GPC3: variants seen among roughly 807,000 people sequenced by gnomAD.
GPC3 encodes glypican 3, also known as glypican-3.
In GPC3, 3 loss-of-function variants were observed where a neutral mutation model predicts 34.4. That is an observed-to-expected ratio of 0.09 (90% CI 0.04 to 0.23). The LOEUF is 0.23. Ranked by LOEUF, GPC3 falls within the 10% of genes least tolerant of loss-of-function variation. The probability of loss-of-function intolerance (pLI) is 1.00; values close to 1 mark genes in which losing one functional copy is unlikely to be tolerated. For missense variants in GPC3, 351 were observed against 445.6 expected (o/e 0.79, Z 1.91); for synonymous variants, 177 against 174.0 (o/e 1.02, Z -0.13).
intron 6 of GPC3, among the ~76,000 whole-genome samples, chrX:133,620,983 C>T (rs776999954): frequency 2.7e-5 from 3 of 111,384 alleles, no homozygotes; most frequent in Non-Finnish European, 5.6e-5. Flanking sequence ...ACCTTGGGTA[C>T]ACATTCTCAG....
At chrX:133,828,079 C>A in intron 2 of GPC3, among the ~76,000 whole-genome samples, 1 of 108,484 alleles carries the variant, frequency 9.2e-6, no homozygotes, top group African/African-American at 3.4e-5. Context: ...TAAAAAATAA[C>A]ACAAAAATAT....
chrX:133,579,053 T>C (rs1278625354), intron 7 of GPC3, among the ~76,000 whole-genome samples: 1 of 111,372 alleles, frequency 9.0e-6, no homozygotes, highest in East Asian at 2.8e-4. Context: ...AAAGTGCATG[T>C]CATTTTCAGA....
At chrX:133,858,953 C>T (rs5977925) in intron 2 of GPC3, among the ~76,000 whole-genome samples, 30,391 of 107,339 alleles carry the variant, frequency 0.28, 3,780 homozygotes, top group African/African-American at 0.44. Context: ...TGGTGGCAGC[C>T]GCCTGTAGTC....
At chrX:133,735,320 T>C (rs995118640) in intron 3 of GPC3, among the ~76,000 whole-genome samples, 3 of 111,688 alleles carry the variant, frequency 2.7e-5, no homozygotes, top group Non-Finnish European at 5.6e-5. Context: ...TTATGGTCAA[T>C]TGAATTTTGA....
At chrX:133,791,445 T>A (rs1376874703) in intron 2 of GPC3, among the ~76,000 whole-genome samples, 1 of 111,764 alleles carries the variant, frequency 8.9e-6, no homozygotes, top group Non-Finnish European at 1.9e-5. Flanking sequence ...GAACTCACCA[T>A]CATTCATGTT....
At chrX:133,625,714 A>G (rs1449816120) in intron 6 of GPC3, among the ~76,000 whole-genome samples, 4 of 112,003 alleles carry the variant, frequency 3.6e-5, no homozygotes, top group African/African-American at 1.3e-4. Context: ...AAGAAGAATC[A>G]ATATTGTGAA....
intron 4 of GPC3, among the ~76,000 whole-genome samples, chrX:133,693,526 A>C (rs2071086296): frequency 1.8e-5 from 2 of 111,559 alleles, no homozygotes; most frequent in African/African-American, 3.3e-5. Context: ...AAGTTTTTGG[A>C]GACTCTATTC....
chrX:133,849,180 C>T (rs1189000734), intron 2 of GPC3, among the ~76,000 whole-genome samples: 2 of 103,384 alleles, frequency 1.9e-5, no homozygotes, highest in African/African-American at 7.1e-5. Context: ...CTGCAAGCTC[C>T]GCCTCCCGGG....
intron 5 of GPC3, among the ~76,000 whole-genome samples, chrX:133,684,879 G>C (rs752064366): frequency 1.8e-5 from 2 of 108,405 alleles, no homozygotes; most frequent in Non-Finnish European, 3.8e-5. Flanking sequence ...TTGGCATATA[G>C]GTCTTTTTTT....
chrX:133,916,234 C>CATA (rs2076224391), intron 2 of GPC3, among the ~76,000 whole-genome samples: 1 of 109,933 alleles, frequency 9.1e-6, no homozygotes, highest in East Asian at 2.9e-4. Context: ...TTGGCATCCA[C>CATA]ATAATAATAC....
chrX:133,797,642 A>C (rs2075588734), intron 2 of GPC3, among the ~76,000 whole-genome samples: 1 of 111,056 alleles, frequency 9.0e-6, no homozygotes, highest in African/African-American at 3.3e-5. Context: ...CAGCCTGGCC[A>C]ACATGTCGAA....
At chrX:133,675,894 TG>T (rs1195427550) in intron 5 of GPC3, among the ~76,000 whole-genome samples, 2 of 112,671 alleles carry the variant, frequency 1.8e-5, no homozygotes, top group Non-Finnish European at 3.7e-5. Flanking sequence ...CTTTAGTTGT[TG>T]GAGGTCCTGA....
intron 2 of GPC3, among the ~76,000 whole-genome samples, chrX:133,882,494 C>T (rs1483024046): frequency 9.0e-6 from 1 of 110,744 alleles, no homozygotes; most frequent in Non-Finnish European, 1.9e-5. Flanking sequence ...ACAATTTTGG[C>T]TTGATTTCTA....
intron 3 of GPC3, among the ~76,000 whole-genome samples, chrX:133,729,656 T>C (rs1455664588): frequency 8.9e-6 from 1 of 111,942 alleles, no homozygotes. Flanking sequence ...AGCTGTGACC[T>C]TGGCAGTATT....
chrX:133,839,808 G>A (rs992962077), intron 2 of GPC3, among the ~76,000 whole-genome samples: 1 of 107,246 alleles, frequency 9.3e-6, no homozygotes, highest in South Asian at 4.3e-4. Context: ...GGCGCCTGTA[G>A]TCCCAGCTAC....
At chrX:133,941,435 C>T (rs1006580120) in intron 2 of GPC3, among the ~76,000 whole-genome samples, 1 of 112,682 alleles carries the variant, frequency 8.9e-6, no homozygotes, top group African/African-American at 3.2e-5. Flanking sequence ...TGATATAGTA[C>T]AGACTGATAA....
chrX:133,964,467 T>C (rs2076454511), intron 1 of GPC3, among the ~76,000 whole-genome samples: 1 of 111,814 alleles, frequency 8.9e-6, no homozygotes, highest in Non-Finnish European at 1.9e-5. Flanking sequence ...ATTATATTTT[T>C]TCAGGAAAAA....
intron 2 of GPC3, chrX:133,763,812 A>C (rs1377566046): frequency 7.5e-6 from 3 of 400,612 alleles, no homozygotes; most frequent in Non-Finnish European, 1.3e-5. Context: ...ATGCCTATGC[A>C]CTGTTGGTGG....
At chrX:133,912,643 AG>A (rs1180218685) in intron 2 of GPC3, among the ~76,000 whole-genome samples, 59 of 110,307 alleles carry the variant, frequency 5.3e-4, no homozygotes, top group African/African-American at 1.8e-3. Context: ...TAAAGTGAGA[AG>A]GACAGCTAGT....
Sources: gnomAD v4.1 joint callset for allele counts (sites outside exome capture counted in the v4.1 genomes callset) on GRCh38, gnomAD v4.1.1 for gene constraint, MANE v1.5 for transcripts, NCBI Gene and HGNC (gene_info 2026-07-23, HGNC 2026-07-21) for gene names.